STPG2: variants seen among roughly 807,000 people sequenced by gnomAD.
The protein encoded by STPG2 is sperm tail PG-rich repeat containing 2, also known as sperm-tail PG-rich repeat-containing protein 2.
STPG2 carries 56 observed loss-of-function variants against 54.2 expected under a neutral mutation model. The ratio of observed to expected loss-of-function variants is 1.03; its 90% CI spans 0.83 to 1.29. The LOEUF (loss-of-function observed/expected upper bound fraction) is 1.29, where lower values mean the gene tolerates loss of function less well. STPG2 is among the 50% of genes most tolerant of loss of function. STPG2 has a pLI of 0.00. For synonymous variants in STPG2, 200 were observed against 181.8 expected (o/e 1.10, Z -0.81); for missense variants, 596 against 544.9 (o/e 1.09, Z -0.93).
intron 9 of STPG2, 61 bp from the exon 10 acceptor site, chr4:97,712,875 C>T: frequency 1.7e-6 from 2 of 1,203,338 alleles, no homozygotes; most frequent in Admixed American, 2.2e-5. Flanking sequence ...TGATTTTGGT[C>T]ATATGAATAT....
intron 8 of STPG2, among the ~76,000 whole-genome samples, chr4:97,900,687 C>A (rs1006008163): frequency 6.6e-6 from 1 of 152,018 alleles, no homozygotes; most frequent in African/African-American, 2.4e-5. Flanking sequence ...AAATCAAATA[C>A]CACATGTTCT....
intron 5 of STPG2, among the ~76,000 whole-genome samples, chr4:98,045,661 T>G (rs1737101903): frequency 6.6e-6 from 1 of 152,302 alleles, no homozygotes; most frequent in East Asian, 1.9e-4. Context: ...TTTGATTATA[T>G]TACCCTACTC....
At chr4:97,773,793 C>T (rs1176082732) in intron 9 of STPG2, among the ~76,000 whole-genome samples, 3 of 152,108 alleles carry the variant, frequency 2.0e-5, no homozygotes, top group Non-Finnish European at 2.9e-5. Flanking sequence ...TAATATAGCA[C>T]AATGCCCCAC....
At chr4:97,897,019 G>C (rs147707559) in intron 8 of STPG2, among the ~76,000 whole-genome samples, 4 of 151,798 alleles carry the variant, frequency 2.6e-5, no homozygotes, top group African/African-American at 9.6e-5. Context: ...ATTAAGCCTA[G>C]TACCTATTAG....
rs757850923 is a variant in STPG2 at position 98,128,534 on chromosome 4, C to T, written c.281G>A (p.Cys94Tyr). The change falls in exon 3 of 11, where the codon TGT (cysteine) becomes TAT (tyrosine). Residue 94 changes from cysteine to tyrosine, a missense_variant. Coordinates refer to ENST00000295268, the MANE Select transcript of STPG2 (RefSeq NM_174952.3). The part of the protein sequence containing the change: ...RSVDVPSIPS[C>Y]GKSYGYHIND... ...AATATGATAACCATATGACTTTCCA[C>T]AAGAAGGAATTGAAGGAACATCAAC... The T allele has an allele frequency of 1.2e-5, 20 of 1,611,940 alleles. No homozygotes were observed. Among genetic ancestry groups the T allele is most frequent in the Non-Finnish European group, 1.7e-5 (20 of 1,179,486 alleles).
chr4:97,451,151 T>C (rs1729354766), intron 4 of STPG2, among the ~76,000 whole-genome samples: 1 of 152,084 alleles, frequency 6.6e-6, no homozygotes, highest in East Asian at 1.9e-4. Flanking sequence ...CTCAAATTCA[T>C]AGCCAGATAT....
At chr4:97,890,467 T>G (rs1157967062) in intron 8 of STPG2, among the ~76,000 whole-genome samples, 2 of 151,818 alleles carry the variant, frequency 1.3e-5, no homozygotes, top group African/African-American at 4.8e-5. Flanking sequence ...TTTTAAAAAA[T>G]TATTTAATTA....
chr4:98,050,592 G>A (rs932537536), intron 5 of STPG2, among the ~76,000 whole-genome samples: 1 of 152,124 alleles, frequency 6.6e-6, no homozygotes, highest in African/African-American at 2.4e-5. Flanking sequence ...TTGAATCTGA[G>A]GGAGAGCCTG....
chr4:97,723,384 T>C (rs1724517339), intron 9 of STPG2, among the ~76,000 whole-genome samples: 1 of 152,092 alleles, frequency 6.6e-6, no homozygotes, highest in Non-Finnish European at 1.5e-5. Flanking sequence ...GTGTTCACTA[T>C]TGGGATGACG....
chr4:97,686,683 A>G (rs1014769438), intron 10 of STPG2, among the ~76,000 whole-genome samples: 1 of 152,126 alleles, frequency 6.6e-6, no homozygotes, highest in Non-Finnish European at 1.5e-5. Context: ...TTTGTTCACA[A>G]ATAATACTTT....
At chr4:97,956,657 C>A (rs992594299) in intron 7 of STPG2, among the ~76,000 whole-genome samples, 9 of 152,178 alleles carry the variant, frequency 5.9e-5, no homozygotes, top group Non-Finnish European at 8.8e-5. Flanking sequence ...GCGCAGACAA[C>A]CCCCAGTAGC....
rs1161971888 is a variant in STPG2, at chr4:97,638,225, C to G, written c.1320+74474G>C. Among the ~76,000 whole-genome samples the G allele has an allele frequency of 4.1e-3, 624 of 152,076 alleles. 2 individuals carry two copies. Among genetic ancestry groups the G allele is most frequent in the South Asian group, 0.02 (96 of 4,808 alleles). On this transcript the variant is annotated intron_variant, in intron 10 of 10. Coordinates refer to ENST00000295268, the MANE Select transcript of STPG2 (RefSeq NM_174952.3). The stretch of plus-strand genomic sequence containing the variant: ...ACTATCTGATCTTTGACAAACCTGA[C>G]AAAAACAAGCAATGGGGAAAGGATT...
chr4:97,664,130 C>A (rs935099533), intron 10 of STPG2, among the ~76,000 whole-genome samples: 3 of 152,074 alleles, frequency 2.0e-5, no homozygotes, highest in Admixed American at 6.6e-5. Flanking sequence ...TACTATATAG[C>A]AGTCCTTGTT....
chr4:97,459,440 GTTT>G (rs564314656), intron 4 of STPG2, among the ~76,000 whole-genome samples: 1 of 122,484 alleles, frequency 8.2e-6, no homozygotes, highest in Non-Finnish European at 1.7e-5. Context: ...GTTTTTTTTT[GTTT>G]TTTTTTTTTT....
At chr4:97,458,512 T>C (rs1006174368) in intron 4 of STPG2, among the ~76,000 whole-genome samples, 5 of 152,186 alleles carry the variant, frequency 3.3e-5, no homozygotes, top group Non-Finnish European at 7.4e-5. Flanking sequence ...AAATATATAG[T>C]ATATATTCAT....
chr4:97,865,383 C>A (rs186170438), intron 8 of STPG2, among the ~76,000 whole-genome samples: 1 of 152,090 alleles, frequency 6.6e-6, no homozygotes, highest in Non-Finnish European at 1.5e-5. Context: ...CAAATCAATA[C>A]CACAATATCA....
chr4:97,705,575 C>T (rs1454803841), intron 10 of STPG2, among the ~76,000 whole-genome samples: 1 of 152,006 alleles, frequency 6.6e-6, no homozygotes, highest in Non-Finnish European at 1.5e-5. Context: ...AGTTGCCCAC[C>T]TCAGCCTCCC....
chr4:97,785,878 G>A (rs2149076178), intron 9 of STPG2, among the ~76,000 whole-genome samples: 1 of 152,094 alleles, frequency 6.6e-6, no homozygotes, highest in Admixed American at 6.6e-5. Flanking sequence ...GATGTGTGGA[G>A]TATGAGAATC....
chr4:97,561,363 G>A (rs1481738474), intron 10 of STPG2, among the ~76,000 whole-genome samples: 3 of 152,150 alleles, frequency 2.0e-5, no homozygotes, highest in African/African-American at 7.2e-5. Flanking sequence ...TGTCAGATAA[G>A]TAGTTTGCGA....
Sources: gnomAD v4.1 joint callset for allele counts (sites outside exome capture counted in the v4.1 genomes callset) on GRCh38, gnomAD v4.1.1 for gene constraint, MANE v1.5 for transcripts, NCBI Gene and HGNC (gene_info 2026-07-23, HGNC 2026-07-21) for gene names.